The following MAP4K3 variants were observed in gnomAD, a reference collection of about 807,000 sequenced individuals.
The protein encoded by MAP4K3 is mitogen-activated protein kinase kinase kinase kinase 3.
In MAP4K3, 94 loss-of-function variants were observed where a neutral mutation model predicts 143.5. The observed-to-expected ratio is 0.65, with a 90% CI of 0.55 to 0.78. The LOEUF is 0.78. Ranked by LOEUF, MAP4K3 falls within the 30% of genes least tolerant of loss-of-function variation. The probability of loss-of-function intolerance (pLI) is 0.00; values close to 1 mark genes in which losing one functional copy is unlikely to be tolerated. For missense variants in MAP4K3, 1,077 were observed against 1,068.1 expected (o/e 1.01, Z -0.12); for synonymous variants, 416 against 347.2 (o/e 1.20, Z -2.20).
chr2:39,277,413 A>G (rs535442385), intron 24 of MAP4K3, among the ~76,000 whole-genome samples: 20 of 152,258 alleles, frequency 1.3e-4, no homozygotes, highest in Admixed American at 6.5e-4. Flanking sequence ...TCTGTGGCCA[A>G]TATCTTATAC....
chr2:39,432,878 G>A (rs976070054), intron 1 of MAP4K3, among the ~76,000 whole-genome samples: 13 of 152,060 alleles, frequency 8.5e-5, no homozygotes, highest in African/African-American at 3.1e-4. Flanking sequence ...ACGGCAGCCC[G>A]TGCTTCAGAG....
chr2:39,274,222 T>C (rs1355635689), intron 24 of MAP4K3, among the ~76,000 whole-genome samples: 1 of 144,386 alleles, frequency 6.9e-6, no homozygotes, highest in Non-Finnish European at 1.5e-5. Flanking sequence ...TTTCTCTCTC[T>C]TTTTTTTTTT....
chr2:39,397,139 A>T (rs1666830943), intron 1 of MAP4K3, among the ~76,000 whole-genome samples: 1 of 152,198 alleles, frequency 6.6e-6, no homozygotes, highest in Non-Finnish European at 1.5e-5. Context: ...CATGCTACAT[A>T]TCTAAACCAG....
intron 24 of MAP4K3, among the ~76,000 whole-genome samples, chr2:39,276,754 G>A (rs1232322829): frequency 6.6e-6 from 1 of 152,176 alleles, no homozygotes; most frequent in Non-Finnish European, 1.5e-5. Context: ...CAGTTTGTAG[G>A]TTGTTTTATG....
At chr2:39,421,657 ATATACTC>A (rs1163797890) in intron 1 of MAP4K3, among the ~76,000 whole-genome samples, 15 of 152,210 alleles carry the variant, frequency 9.9e-5, no homozygotes, top group African/African-American at 3.6e-4. Context: ...AGTACATAGT[ATATACTC>A]TATAAATGGC....
intron 1 of MAP4K3, among the ~76,000 whole-genome samples, chr2:39,410,030 A>G (rs1667193862): frequency 6.6e-6 from 1 of 152,252 alleles, no homozygotes; most frequent in South Asian, 2.1e-4. Flanking sequence ...AAAATGCTAC[A>G]TATGATTATG....
At chr2:39,283,457 T>C (rs1226375435) in intron 21 of MAP4K3, among the ~76,000 whole-genome samples, 11 of 152,246 alleles carry the variant, frequency 7.2e-5, no homozygotes, top group Non-Finnish European at 1.6e-4. Context: ...TTTTCCCATT[T>C]TTTTTAACTG....
At chr2:39,278,925 G>A (rs1681392012) in intron 23 of MAP4K3, among the ~76,000 whole-genome samples, 2 of 152,034 alleles carry the variant, frequency 1.3e-5, no homozygotes, top group Non-Finnish European at 2.9e-5. Context: ...AAAAACCCCA[G>A]AATCTGACCA....
intron 26 of MAP4K3, among the ~76,000 whole-genome samples, chr2:39,268,131 T>C (rs1680843369): frequency 6.6e-6 from 1 of 152,218 alleles, no homozygotes; most frequent in Admixed American, 6.5e-5. Flanking sequence ...AAAGGTGCTA[T>C]AGGTGTTTTG....
intron 20 of MAP4K3, 119 bp downstream of exon 20, chr2:39,288,002 C>T: frequency 1.4e-5 from 17 of 1,190,580 alleles, no homozygotes; most frequent in Non-Finnish European, 2.0e-5. Context: ...TCTCCATAGC[C>T]ACTGCTTTCC....
Position 39,387,691 on chromosome 2 carries a change from G to T in MAP4K3, c.97-9568C>A, listed in dbSNP as rs1006661597. On this transcript the variant is annotated intron_variant, in intron 1 of 33. Transcript: ENST00000263881. ...TCAATAAAGAGCAAATAACCCAACA[G>T]ATGGACAGAAAAAATTACAAGACCA... Among the ~76,000 whole-genome samples, 59 of 152,170 alleles carry T rather than the reference G, an allele frequency of 3.9e-4. 1 individual carries two copies. Among genetic ancestry groups the T allele is most frequent in the Non-Finnish European group, 3.2e-4 (22 of 68,010 alleles).
rs60216178 is a variant in MAP4K3 at position 39,298,002 on chromosome 2, AT to A, written c.1178+1740del. ...GGAAAAGCATTTAGTGAGGGGCTAC[AT>A]TTTTTTTTTGTACTTTGCATGTACA... is the stretch of plus-strand genomic sequence containing the variant. On this transcript the variant is annotated intron_variant, in intron 16 of 33. Coordinates refer to ENST00000263881, the MANE Select transcript of MAP4K3 (RefSeq NM_003618.4). 4.7e-3 allele frequency among the ~76,000 whole-genome samples: 702 copies of A among 149,496 alleles called. 6 individuals are homozygous for A. The highest frequency in any genetic ancestry group is 0.016 in the African/African-American group (657 of 40,890).
intron 1 of MAP4K3, among the ~76,000 whole-genome samples, chr2:39,380,509 T>A (rs561988863): frequency 6.6e-6 from 1 of 152,176 alleles, no homozygotes. Context: ...GAGAGCAAGA[T>A]AGAAATTATA....
chr2:39,410,126 T>C (rs1667196375), intron 1 of MAP4K3, among the ~76,000 whole-genome samples: 1 of 152,238 alleles, frequency 6.6e-6, no homozygotes. Flanking sequence ...TAGTTTCTAC[T>C]TACACCTAGG....
chr2:39,417,144 A>C (rs1266674019), intron 1 of MAP4K3, among the ~76,000 whole-genome samples: 1 of 152,160 alleles, frequency 6.6e-6, no homozygotes, highest in Non-Finnish European at 1.5e-5. Flanking sequence ...ATTTCTAAAA[A>C]GCTATACAGA....
intron 3 of MAP4K3, among the ~76,000 whole-genome samples, chr2:39,346,801 C>T (rs6742170): frequency 0.88 from 134,162 of 152,136 alleles, 59,347 homozygotes; most frequent in Non-Finnish European, 0.91. Context: ...ACACTCTATG[C>T]AGATTACTTA....
intron 3 of MAP4K3, among the ~76,000 whole-genome samples, chr2:39,346,035 G>A (rs1312325936): frequency 6.6e-6 from 1 of 151,128 alleles, no homozygotes; most frequent in Non-Finnish European, 1.5e-5. Flanking sequence ...GCATACAGCT[G>A]ATATAAAAAT....
At chr2:39,393,506 A>G (rs982461039) in intron 1 of MAP4K3, among the ~76,000 whole-genome samples, 2 of 152,240 alleles carry the variant, frequency 1.3e-5, no homozygotes, top group African/African-American at 4.8e-5. Flanking sequence ...AGCTATGTAT[A>G]GCAAACTTCA....
chr2:39,315,275 C>G (rs368496113), intron 13 of MAP4K3, 35 bp downstream of exon 13: 22 of 1,338,610 alleles, frequency 1.6e-5, no homozygotes, highest in Non-Finnish European at 2.3e-5. Flanking sequence ...TATTTTCTAT[C>G]ATTAAATCAT....
Sources: gnomAD v4.1 joint callset for allele counts (sites outside exome capture counted in the v4.1 genomes callset) on GRCh38, gnomAD v4.1.1 for gene constraint, MANE v1.5 for transcripts, NCBI Gene and HGNC (gene_info 2026-07-23, HGNC 2026-07-21) for gene names.